NEUROD1: variants seen among roughly 807,000 people sequenced by gnomAD.
NEUROD1 encodes the protein neuronal differentiation 1.
Under a neutral mutation model 21.8 loss-of-function variants are expected in NEUROD1, and 9 were observed. The ratio of observed to expected loss-of-function variants is 0.41; its 90% CI spans 0.25 to 0.72. The LOEUF (loss-of-function observed/expected upper bound fraction) is 0.72, where lower values mean the gene tolerates loss of function less well. Ranked by LOEUF, NEUROD1 falls within the 30% of genes least tolerant of loss-of-function variation. The pLI, the probability that NEUROD1 is intolerant of heterozygous loss-of-function variation, is 0.31. For missense variants in NEUROD1, 434 were observed against 468.8 expected (o/e 0.93, Z 0.69); for synonymous variants, 199 against 186.2 (o/e 1.07, Z -0.56).
intron 1 of NEUROD1, among the ~76,000 whole-genome samples, chr2:181,679,685 C>T (rs1323358561): frequency 2.0e-5 from 3 of 152,250 alleles, no homozygotes; most frequent in Admixed American, 2.0e-4. Context: ...ATTGAAAGGG[C>T]CGCCCGCTCT....
chr2:181,677,737 TCA>T lies in NEUROD1; in HGVS notation c.*51_*52del. ...GGGCTGCCTTTTGTAAACACGACAG[TCA>T]CTGTAAGCACAGTGGGTTCGTTTCC... On this transcript the variant is annotated 3_prime_UTR_variant, in exon 2 of 2. Coordinates refer to ENST00000295108, the MANE Select transcript of NEUROD1 (RefSeq NM_002500.5). 1 of 1,613,488 alleles carries T rather than the reference TCA, an allele frequency of 6.2e-7. No homozygotes were observed. Among genetic ancestry groups the T allele is most frequent in the South Asian group, 1.1e-5 (1 of 90,930 alleles).
At chr2:181,672,602 G>C (rs987878289), downstream of NEUROD1, among the ~76,000 whole-genome samples, 3 of 152,140 alleles carry the variant, frequency 2.0e-5, no homozygotes, top group Non-Finnish European at 4.4e-5. Flanking sequence ...AAAGAGGGAG[G>C]GGCAATACAG....
At chr2:181,680,067 A>T (rs891617401) in intron 1 of NEUROD1, among the ~76,000 whole-genome samples, 1 of 152,230 alleles carries the variant, frequency 6.6e-6, no homozygotes, top group Non-Finnish European at 1.5e-5. Context: ...TATATTGATA[A>T]CATAGATTTT....
chr2:181,674,912 A>G (rs1688546961), downstream of NEUROD1, among the ~76,000 whole-genome samples: 1 of 152,156 alleles, frequency 6.6e-6, no homozygotes. Context: ...TCAAAATGGC[A>G]TTCTTTTATT....
downstream of NEUROD1, among the ~76,000 whole-genome samples, chr2:181,675,589 G>T (rs757246186): frequency 1.3e-5 from 2 of 151,822 alleles, no homozygotes; most frequent in Non-Finnish European, 2.9e-5. Context: ...GTGCCAAAAT[G>T]ATATTCCCTA....
chr2:181,671,549 GCC>G (rs1688499284), downstream of NEUROD1, among the ~76,000 whole-genome samples: 1 of 151,830 alleles, frequency 6.6e-6, no homozygotes, highest in African/African-American at 2.4e-5. Flanking sequence ...TCCCACCTGA[GCC>G]TCCCGAGTAG....
chr2:181,669,261 C>T (rs993967548), downstream of NEUROD1, among the ~76,000 whole-genome samples: 13 of 152,284 alleles, frequency 8.5e-5, no homozygotes, highest in African/African-American at 3.1e-4. Flanking sequence ...GTTAATAAAA[C>T]CTACTTAGAG....
At chr2:181,668,372 T>A (rs1397566492), downstream of NEUROD1, among the ~76,000 whole-genome samples, 1 of 152,110 alleles carries the variant, frequency 6.6e-6, no homozygotes, top group African/African-American at 2.4e-5. Flanking sequence ...GCTTTGGGGC[T>A]AATTTCTTGC....
chr2:181,675,374 T>C (rs1179147595), downstream of NEUROD1, among the ~76,000 whole-genome samples: 1 of 152,236 alleles, frequency 6.6e-6, no homozygotes, highest in Non-Finnish European at 1.5e-5. Context: ...TAATTGTTCC[T>C]GTCCATTACA....
At chr2:181,679,005 G>T in intron 1 of NEUROD1, 134 bp from the exon 2 acceptor site, 1 of 1,054,424 alleles carries the variant, frequency 9.5e-7, no homozygotes, top group Non-Finnish European at 1.4e-6. Flanking sequence ...ATTACAAAAT[G>T]AATGCCTCTG....
downstream of NEUROD1, among the ~76,000 whole-genome samples, chr2:181,670,168 A>C (rs1559133083): frequency 6.6e-6 from 1 of 152,208 alleles, no homozygotes; most frequent in Non-Finnish European, 1.5e-5. Context: ...CATTTTCTTC[A>C]CATGAAGAAT....
downstream of NEUROD1, among the ~76,000 whole-genome samples, chr2:181,672,919 G>A (rs1346213527): frequency 6.6e-6 from 1 of 152,158 alleles, no homozygotes; most frequent in Non-Finnish European, 1.5e-5. Flanking sequence ...TAAAAGAAAA[G>A]TCAGTTACCA....
At chr2:181,675,295 C>T (rs565032011), downstream of NEUROD1, among the ~76,000 whole-genome samples, 1 of 152,116 alleles carries the variant, frequency 6.6e-6, no homozygotes, top group African/African-American at 2.4e-5. Context: ...ATTTTTTTAA[C>T]GTCGAAGTAT....
chr2:181,670,230 A>T (rs1461709450), downstream of NEUROD1, among the ~76,000 whole-genome samples: 1 of 152,182 alleles, frequency 6.6e-6, no homozygotes, highest in African/African-American at 2.4e-5. Context: ...ATGAGACTTT[A>T]AAAAAATTAC....
rs1393457882 is a variant in NEUROD1, at chr2:181,676,611, G to C, written c.*1179C>G. Reference sequence around the variant, plus strand: ...CACATCTCAAACAGCACTTATTCTGGACTGCATTTTACATGCAATAGCTAT... The same window carrying C: ...CACATCTCAAACAGCACTTATTCTGCACTGCATTTTACATGCAATAGCTAT... On this transcript the variant is annotated 3_prime_UTR_variant, in exon 2 of 2. Transcript: ENST00000295108. The C allele has an allele frequency of 6.6e-6, 1 of 152,502 alleles. No individual in the cohort carries two copies. The highest frequency in any genetic ancestry group is 2.4e-5 in the African/African-American group (1 of 41,418). 9.4% of individuals were successfully genotyped at this position (152,502 alleles called of 1,614,324 possible). A position where few individuals can be genotyped will look rare whatever the true frequency, so the allele number is the denominator to read the frequency against.
At position 181,678,604 on chromosome 2, in the gene NEUROD1, G is replaced by A. The variant is rs147793698; in HGVS notation, c.257C>T (p.Pro86Leu). 6.2e-6 allele frequency: 10 copies of A among 1,613,934 alleles called. No individual in the cohort carries two copies. In the African/African-American group the frequency reaches 1.2e-4, roughly 19 times the overall value. Reference protein sequence around the residue: ...DDDQKPKRRGPKKKKMTKARL... With the variant: ...DDDQKPKRRGLKKKKMTKARL... ...AGCCTTAGTCATCTTCTTCTTTTTGGGGCCGCGTCTCTTGGGCTTTTGATC... is the reference window on the plus strand; with the variant it reads ...AGCCTTAGTCATCTTCTTCTTTTTGAGGCCGCGTCTCTTGGGCTTTTGATC... The change falls in exon 2 of 2, where the codon CCC becomes CTC. Residue 86 changes from proline to leucine, a missense_variant. Transcript: ENST00000295108. This position sits in a 1 kb window ranked among gnomAD's most constrained non-coding sequence, Gnocchi z 5.5.
intron 1 of NEUROD1, among the ~76,000 whole-genome samples, chr2:181,680,125 G>C (rs1688669730): frequency 6.6e-6 from 1 of 151,790 alleles, no homozygotes; most frequent in Admixed American, 6.6e-5. Flanking sequence ...ATTGCTTTTG[G>C]GACTTTAAAA....
chr2:181,678,245 G>A lies in NEUROD1; in HGVS notation c.616C>T (p.His206Tyr), dbSNP rs201174472. 1.9e-6 allele frequency: 3 copies of A among 1,614,052 alleles called. No individual in the cohort carries two copies. Among genetic ancestry groups the A allele is most frequent in the Middle Eastern group, 1.6e-4 (1 of 6,062 alleles). ...LPEQNQDMPP[H>Y]LPTASASFPV... Reference sequence around the variant, plus strand: ...AAGGAAGCGCTGGCCGTCGGCAGGTGGGGGGGCATGTCCTGGTTCTGCTCA... The same window carrying A: ...AAGGAAGCGCTGGCCGTCGGCAGGTAGGGGGGCATGTCCTGGTTCTGCTCA... The change falls in exon 2 of 2, where the codon CAC (histidine) becomes TAC (tyrosine). Residue 206 changes from histidine (H) to tyrosine (Y), a missense_variant. His to Tyr is a moderately conservative substitution (Grantham distance 83). Coordinates refer to ENST00000295108, the MANE Select transcript of NEUROD1 (RefSeq NM_002500.5). The surrounding 1 kb of genome is among the most constrained non-coding windows in gnomAD (Gnocchi z 5.5).
rs946367001 is a variant in NEUROD1, at chr2:181,676,995, A to T, written c.*795T>A. On this transcript the variant is annotated 3_prime_UTR_variant, in exon 2 of 2. Transcript: ENST00000295108. ...TGTGCAAGTAATGTGTTGAATTGAT[A>T]TGTTTTGATAGGGAATGTATCTCTT... is the stretch of plus-strand genomic sequence containing the variant. 2 of 151,894 alleles carry T rather than the reference A, an allele frequency of 1.3e-5. No homozygotes were observed. The highest frequency in any genetic ancestry group is 4.8e-5 in the African/African-American group (2 of 41,280). 9.4% of individuals were successfully genotyped at this position (151,894 alleles called of 1,614,324 possible).
Sources: allele counts gnomAD v4.1 joint callset (sites outside exome capture counted in the v4.1 genomes callset), GRCh38; gene constraint gnomAD v4.1.1; non-coding constraint Gnocchi (gnomAD v3.1); transcripts MANE v1.5; gene names NCBI Gene and HGNC (gene_info 2026-07-23, HGNC 2026-07-21).